DCTN2: variants seen among roughly 807,000 people sequenced by gnomAD.
The protein encoded by DCTN2 is 50 kDa dynein-associated polypeptide.
Under a neutral mutation model 55.4 loss-of-function variants are expected in DCTN2, and 18 were observed. The ratio of observed to expected loss-of-function variants is 0.32; its 90% CI spans 0.22 to 0.48. The LOEUF is 0.48. Among genes scored for constraint, DCTN2 ranks in the 20% least tolerant of loss-of-function variants. The probability of loss-of-function intolerance (pLI) is 0.99; values close to 1 mark genes in which losing one functional copy is unlikely to be tolerated. For synonymous variants in DCTN2, 168 were observed against 185.2 expected, an observed-to-expected ratio of 0.91 and a Z score of 0.76; for missense variants, 390 against 491.0, an observed-to-expected ratio of 0.79 and a Z score of 1.94.
intron 2 of DCTN2, among the ~76,000 whole-genome samples, chr12:57,545,639 C>T (rs1191024402): frequency 6.6e-6 from 1 of 152,158 alleles, no homozygotes; most frequent in African/African-American, 2.4e-5. Context: ...AAAAGTATTT[C>T]TCCATATTTC....
At chr12:57,533,850 G>T (rs970918997) in intron 7 of DCTN2, 103 bp downstream of exon 7, 3 of 1,206,222 alleles carry the variant, frequency 2.5e-6, no homozygotes, top group Non-Finnish European at 3.4e-6. Flanking sequence ...GGAATCAGAG[G>T]AATCAGAAGC....
At chr12:57,543,641 T>TTC in intron 2 of DCTN2, 1 of 463,900 alleles carries the variant, frequency 2.2e-6, no homozygotes, top group Non-Finnish European at 2.8e-6. Flanking sequence ...CCAGAGACAT[T>TTC]AGCTGACATC....
intron 2 of DCTN2, 87 bp downstream of exon 2, chr12:57,545,939 ATT>A: frequency 1.4e-6 from 2 of 1,403,456 alleles, no homozygotes; most frequent in East Asian, 4.6e-5. Context: ...ATACCCGCTT[ATT>A]GCTGTAGCTC....
intron 2 of DCTN2, among the ~76,000 whole-genome samples, chr12:57,545,384 C>T (rs990777451): frequency 1.3e-5 from 2 of 152,050 alleles, no homozygotes; most frequent in African/African-American, 2.4e-5. Context: ...TCTTCCTCTG[C>T]ATTGCACAAA....
chr12:57,541,243 C>A, intron 2 of DCTN2: 1 of 1,208,000 alleles, frequency 8.3e-7, no homozygotes, highest in South Asian at 1.4e-5. Flanking sequence ...CCTCAGTGAC[C>A]CAGCCAGGGA....
At chr12:57,543,186 A>C (rs1043275355) in intron 2 of DCTN2, 1 of 364,776 alleles carries the variant, frequency 2.7e-6, no homozygotes, top group Non-Finnish European at 5.4e-6. Flanking sequence ...GTCTCTACTA[A>C]AAATACAAGA....
intron 5 of DCTN2, 80 bp from the exon 6 acceptor site, chr12:57,534,532 T>G: frequency 6.9e-7 from 1 of 1,452,496 alleles, no homozygotes; most frequent in Non-Finnish European, 9.3e-7. Context: ...CCTTTAAAGG[T>G]AGTTGTAGCT....
chr12:57,542,352 A>G (rs1023359251), intron 2 of DCTN2, among the ~76,000 whole-genome samples: 1 of 152,100 alleles, frequency 6.6e-6, no homozygotes, highest in African/African-American at 2.4e-5. Context: ...CCTCCCCACT[A>G]TGGGAATCGG....
At chr12:57,544,194 C>T (rs1022174055) in intron 2 of DCTN2, 23 of 424,010 alleles carry the variant, frequency 5.4e-5, no homozygotes, top group Non-Finnish European at 9.9e-5. Flanking sequence ...TGTCTCTTGG[C>T]AACTGTGGGA....
chr12:57,542,912 G>A (rs1052585105), intron 2 of DCTN2: 10 of 455,970 alleles, frequency 2.2e-5, no homozygotes, highest in Non-Finnish European at 3.1e-5. Flanking sequence ...AGTGGTGGTA[G>A]GCAGAGGTGG....
At chr12:57,539,776 C>T (rs1656741130) in intron 2 of DCTN2, among the ~76,000 whole-genome samples, 2 of 152,182 alleles carry the variant, frequency 1.3e-5, no homozygotes, top group Non-Finnish European at 2.9e-5. Context: ...TCTGTAATCC[C>T]AGCACTTTGG....
chr12:57,537,362 G>GAAAAAA (rs56278180), intron 2 of DCTN2, among the ~76,000 whole-genome samples: 1 of 58,142 alleles, frequency 1.7e-5, no homozygotes, highest in Non-Finnish European at 4.0e-5. Context: ...AGAGAGAAAA[G>GAAAAAA]AAAAAAAAAA....
Position 57,546,079 on chromosome 12 carries a change from A to G in DCTN2, c.54T>C (p.Asp18=). Residue 18 remains aspartate (D), a synonymous_variant, in exon 2 of 14, where the codon GAT becomes GAC. Coordinates refer to ENST00000548249, the MANE Select transcript of DCTN2 (RefSeq NM_001261413.2). ...DLPGIARNEP[D]VYETSDLPED... ...CAGGTAGGTCGCTAGTTTCATAAACATCTGGCTCATTCCTGGCCTGCAGGT... is the reference window on the plus strand; with the variant it reads ...CAGGTAGGTCGCTAGTTTCATAAACGTCTGGCTCATTCCTGGCCTGCAGGT... 1 of 1,613,924 alleles carries G rather than the reference A, an allele frequency of 6.2e-7. No homozygotes were observed. The highest frequency in any genetic ancestry group is 8.5e-7 in the Non-Finnish European group (1 of 1,179,862).
intron 2 of DCTN2, among the ~76,000 whole-genome samples, chr12:57,539,303 G>A (rs1379639824): frequency 6.6e-6 from 1 of 152,208 alleles, no homozygotes; most frequent in South Asian, 2.1e-4. Context: ...CTGCAGCTCC[G>A]AAGGATCTAG....
intron 2 of DCTN2, among the ~76,000 whole-genome samples, chr12:57,537,627 G>A (rs1303941947): frequency 6.6e-6 from 1 of 152,040 alleles, no homozygotes; most frequent in African/African-American, 2.4e-5. Context: ...AAAAATAAGG[G>A]AAGAAGGAAG....
chr12:57,535,582 T>C (rs779777912), intron 3 of DCTN2, 37 bp from the exon 4 acceptor site: 1 of 1,604,794 alleles, frequency 6.2e-7, no homozygotes, highest in South Asian at 1.1e-5. Context: ...GGGCCTGATC[T>C]AGGCCCAAGG....
chr12:57,541,002 T>C (rs1323856286), intron 2 of DCTN2, among the ~76,000 whole-genome samples: 9 of 152,134 alleles, frequency 5.9e-5, no homozygotes, highest in African/African-American at 2.2e-4. Flanking sequence ...AGTCATTCCA[T>C]AAAAAAATCT....
intron 6 of DCTN2, 33 bp downstream of exon 6, chr12:57,534,259 A>G (rs374839937): frequency 1.9e-6 from 3 of 1,552,762 alleles, no homozygotes; most frequent in Middle Eastern, 1.9e-4. Flanking sequence ...AACCCCAGTC[A>G]GCAATGATTT....
intron 11 of DCTN2, 40 bp from the exon 12 acceptor site, chr12:57,532,355 C>G: frequency 6.6e-7 from 1 of 1,515,356 alleles, no homozygotes; most frequent in Non-Finnish European, 9.0e-7. Flanking sequence ...ATGGCTGAGG[C>G]AGCCAGGTCA....
Sources: allele counts gnomAD v4.1 joint callset (sites outside exome capture counted in the v4.1 genomes callset), GRCh38; gene constraint gnomAD v4.1.1; transcripts MANE v1.5; gene names NCBI Gene and HGNC (gene_info 2026-07-23, HGNC 2026-07-21).